CYP39A1: variants seen among roughly 807,000 people sequenced by gnomAD.
CYP39A1 encodes the protein 24-hydroxycholesterol 7-alpha-hydroxylase.
Under a neutral mutation model 58.1 loss-of-function variants are expected in CYP39A1, and 49 were observed. The ratio of observed to expected loss-of-function variants is 0.84; its 90% CI spans 0.67 to 1.07. The LOEUF (loss-of-function observed/expected upper bound fraction) is 1.07. Among genes scored for constraint, CYP39A1 ranks in the 50% least tolerant of loss-of-function variants. CYP39A1 has a pLI of 0.00. For missense variants in CYP39A1, 531 were observed against 539.4 expected (o/e 0.98, Z 0.16); for synonymous variants, 209 against 187.6 (o/e 1.11, Z -0.93).
intron 8 of CYP39A1, among the ~76,000 whole-genome samples, chr6:46,588,940 A>G (rs1163932384): frequency 6.6e-6 from 1 of 152,266 alleles, no homozygotes; most frequent in South Asian, 2.1e-4. Flanking sequence ...TATCATCACC[A>G]TGTTCAGGAA....
chr6:46,636,636 AATG>A (rs1238543889), intron 4 of CYP39A1, among the ~76,000 whole-genome samples, 154 bp from the exon 5 acceptor site: 1 of 152,192 alleles, frequency 6.6e-6, no homozygotes, highest in African/African-American at 2.4e-5. Context: ...CTACCTTCGG[AATG>A]ATTAGTCCAC....
At chr6:46,611,335 A>G (rs1774201223) in intron 7 of CYP39A1, among the ~76,000 whole-genome samples, 1 of 152,254 alleles carries the variant, frequency 6.6e-6, no homozygotes, top group Non-Finnish European at 1.5e-5. Flanking sequence ...CAAAGCCTGG[A>G]AAAGGCAGTG....
chr6:46,576,627 T>A (rs982896477), intron 10 of CYP39A1, among the ~76,000 whole-genome samples: 1 of 152,178 alleles, frequency 6.6e-6, no homozygotes, highest in Non-Finnish European at 1.5e-5. Context: ...AAAGATGTGA[T>A]AGCCATTTTA....
intron 10 of CYP39A1, among the ~76,000 whole-genome samples, chr6:46,557,933 CA>C (rs1186594398): frequency 0.013 from 471 of 37,622 alleles, 3 homozygotes; most frequent in African/African-American, 0.035. Context: ...GACTCCATCT[CA>C]AAAAAAAAAA....
At chr6:46,590,771 A>G (rs1450770186) in intron 8 of CYP39A1, among the ~76,000 whole-genome samples, 2 of 152,176 alleles carry the variant, frequency 1.3e-5, no homozygotes, top group Non-Finnish European at 2.9e-5. Context: ...CTTTAAACAT[A>G]GTTTTGATCC....
At chr6:46,594,560 A>G (rs970102864) in intron 8 of CYP39A1, among the ~76,000 whole-genome samples, 6 of 152,108 alleles carry the variant, frequency 3.9e-5, no homozygotes, top group Non-Finnish European at 7.4e-5. Context: ...ACAATAGAAA[A>G]TGGACAGTTT....
intron 6 of CYP39A1, 46 bp from the exon 7 acceptor site, chr6:46,625,554 T>A: frequency 7.0e-7 from 1 of 1,420,596 alleles, no homozygotes. Context: ...TCTTTGAAGG[T>A]GAACAAAAGC....
chr6:46,588,021 A>C lies in CYP39A1; in HGVS notation c.1161+13T>G. 3 of 1,443,592 alleles carry C rather than the reference A, an allele frequency of 2.1e-6. No homozygotes were observed. Among genetic ancestry groups the C allele is most frequent in the Non-Finnish European group, 1.9e-6 (2 of 1,048,384 alleles). 89.4% of individuals were successfully genotyped at this position (1,443,592 alleles called of 1,614,324 possible). A position where few individuals can be genotyped will look rare whatever the true frequency, so the allele number is the denominator to read the frequency against. ...AAATGAAAGAATAATATATACTGAA[A>C]GAGATAACTTACAGGTTTGAACAAT... On this transcript the variant is annotated intron_variant, in intron 9 of 11. Transcript: ENST00000275016.
chr6:46,562,734 A>T (rs1259770568), intron 10 of CYP39A1, among the ~76,000 whole-genome samples: 1 of 152,118 alleles, frequency 6.6e-6, no homozygotes, highest in Non-Finnish European at 1.5e-5. Context: ...TTTCAAAAAA[A>T]GATTAGAAAT....
At chr6:46,564,305 T>C (rs1233532166) in intron 10 of CYP39A1, among the ~76,000 whole-genome samples, 3 of 151,884 alleles carry the variant, frequency 2.0e-5, no homozygotes, top group Admixed American at 6.6e-5. Context: ...TATTCTCTCC[T>C]GCCTCAGCCT....
At chr6:46,605,375 C>T (rs972330751) in intron 7 of CYP39A1, among the ~76,000 whole-genome samples, 1 of 152,128 alleles carries the variant, frequency 6.6e-6, no homozygotes, top group Non-Finnish European at 1.5e-5. Flanking sequence ...TCACTGATAA[C>T]CTAGTAGAGT....
In CYP39A1 at chr6:46,588,098, A is replaced by G. The variant is rs767057768; in HGVS notation, c.1097T>C (p.Met366Thr). Residue 366 changes from methionine (M) to threonine (T), a missense_variant, in exon 9 of 12, where the codon ATG (methionine) becomes ACG (threonine). Transcript: ENST00000275016. ...TCTATGCAGCCAAAATGGAGACAAC[A>G]TCAACAAGTCACCAGAAGGAATGAT... ...NYIIPSGDLL[M>T]LSPFWLHRNP... 9 of 1,600,416 alleles carry G rather than the reference A, an allele frequency of 5.6e-6. No individual in the cohort carries two copies. The highest frequency in any genetic ancestry group is 7.7e-6 in the Non-Finnish European group (9 of 1,173,216).
chr6:46,631,651 G>A (rs917713369), intron 5 of CYP39A1, among the ~76,000 whole-genome samples: 2 of 152,144 alleles, frequency 1.3e-5, no homozygotes, highest in African/African-American at 4.8e-5. Context: ...CCACCATACA[G>A]ATTCTCAGCC....
At chr6:46,640,175 G>A (rs1776244043) in intron 2 of CYP39A1, among the ~76,000 whole-genome samples, 1 of 152,104 alleles carries the variant, frequency 6.6e-6, no homozygotes, top group African/African-American at 2.4e-5. Flanking sequence ...TCACTTTAAG[G>A]GATAATCTAT....
chr6:46,588,083 CA>C lies in CYP39A1; in HGVS notation c.1111del (p.Trp371GlyfsTer25). 6.3e-7 allele frequency: 1 copy of C among 1,595,622 alleles called. No homozygotes were observed. The highest frequency in any genetic ancestry group is 1.7e-5 in the Admixed American group (1 of 57,870). ...SGDLLMLSPF[W>X]LHRNPKYFPE... ...AAAATACTTTGGATTTCTATGCAGC[CA>C]AAATGGAGACAACATCAACAAGTCA... is the stretch of plus-strand genomic sequence containing the variant. On this transcript the variant is annotated frameshift_variant, in exon 9 of 12. Coordinates refer to ENST00000275016, the MANE Select transcript of CYP39A1 (RefSeq NM_016593.5). LOFTEE classifies it high-confidence loss of function.
chr6:46,572,504 C>T (rs916109902), intron 10 of CYP39A1, among the ~76,000 whole-genome samples: 1 of 152,076 alleles, frequency 6.6e-6, no homozygotes, highest in Admixed American at 6.6e-5. Flanking sequence ...TCTTTTCTGG[C>T]CTGTGAAGTT....
At chr6:46,586,177 A>G (rs1237236790) in intron 10 of CYP39A1, 1 of 964,872 alleles carries the variant, frequency 1.0e-6, no homozygotes, top group Non-Finnish European at 1.2e-6. Context: ...GAACGGAAGG[A>G]TGGAATGGAT....
chr6:46,633,631 G>A (rs150447513), intron 5 of CYP39A1, among the ~76,000 whole-genome samples: 2,147 of 152,244 alleles, frequency 0.014, 24 homozygotes, highest in Non-Finnish European at 0.023. Flanking sequence ...GGCCGAGGCA[G>A]GTGGGTCACG....
intron 10 of CYP39A1, among the ~76,000 whole-genome samples, chr6:46,570,008 G>T (rs751610679): frequency 3.9e-5 from 6 of 152,008 alleles, no homozygotes; most frequent in Non-Finnish European, 8.8e-5. Context: ...TTTGATAGGA[G>T]ACTTTTAATT....
Sources: gnomAD v4.1 joint callset for allele counts (sites outside exome capture counted in the v4.1 genomes callset) on GRCh38, gnomAD v4.1.1 for gene constraint, MANE v1.5 for transcripts, NCBI Gene and HGNC (gene_info 2026-07-23, HGNC 2026-07-21) for gene names.